ATP11A: variants seen among roughly 807,000 people sequenced by gnomAD.
ATP11A encodes ATPase phospholipid transporting 11A.
A neutral mutation model predicts 154.4 loss-of-function variants in ATP11A; 81 were observed. That is an observed-to-expected ratio of 0.52 (90% CI 0.44 to 0.63). The LOEUF is 0.63. Among genes scored for constraint, ATP11A ranks in the 30% least tolerant of loss-of-function variants. ATP11A has a pLI of 0.00. For synonymous variants in ATP11A, 623 were observed against 585.9 expected (o/e 1.06, Z -0.91); for missense variants, 1,316 against 1,474.3 (o/e 0.89, Z 1.76).
At chr13:112,700,544 C>T (rs1448209967) in intron 1 of ATP11A, among the ~76,000 whole-genome samples, 1 of 152,234 alleles carries the variant, frequency 6.6e-6, no homozygotes, top group Non-Finnish European at 1.5e-5. Context: ...GGTGGGTGGG[C>T]GCAGGCCTTG....
intron 1 of ATP11A, among the ~76,000 whole-genome samples, chr13:112,712,834 G>A (rs1314311838): frequency 1.3e-5 from 2 of 152,220 alleles, no homozygotes; most frequent in Non-Finnish European, 1.5e-5. Context: ...GGGGTTCAGT[G>A]CAGGCCAGGG....
chr13:112,813,686 G>T (rs2078566080), intron 5 of ATP11A, among the ~76,000 whole-genome samples: 1 of 152,108 alleles, frequency 6.6e-6, no homozygotes, highest in Non-Finnish European at 1.5e-5. Context: ...ACTGCCAAAT[G>T]GTTTTCCAGC....
At chr13:112,706,408 T>C (rs1188891306) in intron 1 of ATP11A, among the ~76,000 whole-genome samples, 1 of 152,192 alleles carries the variant, frequency 6.6e-6, no homozygotes, top group Non-Finnish European at 1.5e-5. Context: ...CAGCTCATAA[T>C]GATGTTAGTT....
intron 2 of ATP11A, among the ~76,000 whole-genome samples, chr13:112,790,893 A>G (rs2077834256): frequency 6.6e-6 from 1 of 152,238 alleles, no homozygotes; most frequent in Non-Finnish European, 1.5e-5. Flanking sequence ...AAAAATTTTA[A>G]TAGCTTTAAC....
intron 2 of ATP11A, among the ~76,000 whole-genome samples, chr13:112,802,361 A>T (rs1272508621): frequency 6.6e-6 from 1 of 152,076 alleles, no homozygotes; most frequent in Non-Finnish European, 1.5e-5. Context: ...AAAAAAAGAA[A>T]AGAATAGACA....
At chr13:112,852,366 C>T (rs142961653) in intron 18 of ATP11A, among the ~76,000 whole-genome samples, 191 of 152,284 alleles carry the variant, frequency 1.3e-3, no homozygotes, top group African/African-American at 4.4e-3. Context: ...CTTGAGTTCT[C>T]GATCTGAATG....
At chr13:112,862,763 C>T (rs1264951318) in intron 25 of ATP11A, among the ~76,000 whole-genome samples, 188 bp downstream of exon 25, 1 of 102,842 alleles carries the variant, frequency 9.7e-6, no homozygotes, top group Non-Finnish European at 1.9e-5. Flanking sequence ...CCACATGTGC[C>T]GTAATTCAGT....
At position 112,834,581 on chromosome 13, in the gene ATP11A, C is replaced by G. The variant is rs368253467; in HGVS notation, c.1560-8C>G. 4 of 1,606,438 alleles carry G rather than the reference C, an allele frequency of 2.5e-6. No individual in the cohort carries two copies. Among genetic ancestry groups the G allele is most frequent in the Non-Finnish European group, 3.4e-6 (4 of 1,173,134 alleles). The stretch of plus-strand genomic sequence containing the variant: ...AGATTCACCCCGAGGTTTCCCTTCT[C>G]ATTGCAGACTTGGCTTTACCTACCT... On this transcript the variant is annotated splice_region_variant and splice_polypyrimidine_tract_variant and intron_variant, in intron 14 of 29. Coordinates refer to ENST00000375645, the MANE Select transcript of ATP11A (RefSeq NM_015205.3).
chr13:112,728,594 G>T (rs1890146032), intron 1 of ATP11A, among the ~76,000 whole-genome samples: 1 of 141,476 alleles, frequency 7.1e-6, no homozygotes, highest in African/African-American at 2.7e-5. Context: ...CTATCCACTC[G>T]TGGGGGGGCC....
At chr13:112,776,989 G>T (rs1055842854) in intron 1 of ATP11A, among the ~76,000 whole-genome samples, 1 of 152,196 alleles carries the variant, frequency 6.6e-6, no homozygotes, top group Non-Finnish European at 1.5e-5. Context: ...TCGCATCGTA[G>T]ATCTTCTGAA....
At chr13:112,787,173 G>C (rs1398746007) in intron 2 of ATP11A, among the ~76,000 whole-genome samples, 15 of 142,150 alleles carry the variant, frequency 1.1e-4, no homozygotes, top group Non-Finnish European at 9.0e-5. Flanking sequence ...CTGATGCGTA[G>C]ACCCCTGTGG....
intron 2 of ATP11A, among the ~76,000 whole-genome samples, chr13:112,793,844 A>G (rs924787032): frequency 2.6e-5 from 4 of 152,254 alleles, no homozygotes; most frequent in African/African-American, 9.6e-5. Context: ...GAGGCAGGCC[A>G]GGTGAGGCCA....
rs531749066 is a variant in ATP11A, at chr13:112,697,727, GTTTTTT to G, written c.39+7293_39+7298del. 8.7e-4 allele frequency among the ~76,000 whole-genome samples: 110 copies of G among 126,612 alleles called. 1 individual carries two copies. In the East Asian group the frequency reaches 9.0e-3, roughly 10 times the overall value. The allele number at this position is 126,612 out of a possible 152,430, so 83.1% of individuals were successfully genotyped here. On this transcript the variant is annotated intron_variant, in intron 1 of 29. Transcript: ENST00000375645. This position sits in a 1 kb window ranked among gnomAD's most constrained non-coding sequence, Gnocchi z 4.0. Reference sequence around the variant, plus strand: ...GGATTTGTGCCACGACGCCCGGCCAGTTTTTTTTTTTTTTTTTTTTTTTTTTAGTAG... The same window carrying G: ...GGATTTGTGCCACGACGCCCGGCCAGTTTTTTTTTTTTTTTTTTTTAGTAG...
chr13:112,878,984 G>C (rs2080808663), intron 29 of ATP11A, among the ~76,000 whole-genome samples: 1 of 152,226 alleles, frequency 6.6e-6, no homozygotes, highest in African/African-American at 2.4e-5. Context: ...CTTTAAAAAT[G>C]ACGACCTTGG....
At chr13:112,743,282 A>G (rs1891742470) in intron 1 of ATP11A, among the ~76,000 whole-genome samples, 1 of 152,146 alleles carries the variant, frequency 6.6e-6, no homozygotes. Flanking sequence ...GAATGGGCTG[A>G]GGGAGGTTTT....
At chr13:112,851,359 GTGTCTTGC>G in intron 18 of ATP11A, 141 bp downstream of exon 18, 1 of 750,226 alleles carries the variant, frequency 1.3e-6, no homozygotes, top group East Asian at 2.7e-5. Flanking sequence ...GAGAGGCTAG[GTGTCTTGC>G]TACACCCTGG....
chr13:112,787,156 G>A (rs546084369), intron 2 of ATP11A, among the ~76,000 whole-genome samples: 1,324 of 128,532 alleles, frequency 0.01, 63 homozygotes, highest in African/African-American at 0.043. Context: ...AATTCACACC[G>A]GGTGTCCTGA....
chr13:112,828,132 C>CGGGGGAAAGCGCCCAGAAGT (rs2078984450), intron 12 of ATP11A, among the ~76,000 whole-genome samples: 1 of 22,536 alleles, frequency 4.4e-5, no homozygotes. Flanking sequence ...CGCCCAGCAG[C>CGGGGGAAAGCGCCCAGAAGT]GTTGAGTAGG....
chr13:112,855,838 A>G (rs1214559302), intron 19 of ATP11A, 73 bp from the exon 20 acceptor site: 2 of 1,410,706 alleles, frequency 1.4e-6, no homozygotes, highest in East Asian at 4.7e-5. Flanking sequence ...GTCGATATCC[A>G]AAAACAATAC....
Sources: allele counts gnomAD v4.1 joint callset (sites outside exome capture counted in the v4.1 genomes callset), GRCh38; gene constraint gnomAD v4.1.1; non-coding constraint Gnocchi (gnomAD v3.1); transcripts MANE v1.5; gene names NCBI Gene and HGNC (gene_info 2026-07-23, HGNC 2026-07-21).